The following AUH variants were observed in gnomAD, a reference collection of about 807,000 sequenced individuals.
AUH encodes the protein AU RNA binding methylglutaconyl-CoA hydratase, also known as methylglutaconyl-CoA hydratase, mitochondrial.
AUH carries 29 observed loss-of-function variants against 42.3 expected under a neutral mutation model. The ratio of observed to expected loss-of-function variants is 0.69; its 90% confidence interval spans 0.51 to 0.93. AUH has a LOEUF of 0.93. AUH is among the 40% of genes least tolerant of loss of function. The pLI, the probability that AUH is intolerant of heterozygous loss-of-function variation, is 0.00. For missense variants in AUH, 452 were observed against 438.1 expected (o/e 1.03, Z -0.28); for synonymous variants, 174 against 166.4 (o/e 1.05, Z -0.35).
At chr9:91,293,183 C>T (rs1480409970) in intron 6 of AUH, among the ~76,000 whole-genome samples, 1 of 152,134 alleles carries the variant, frequency 6.6e-6, no homozygotes, top group Non-Finnish European at 1.5e-5. Context: ...TGAAATTAGG[C>T]CAATGAATAA....
chr9:91,361,900 T>G lies in AUH; in HGVS notation c.-11A>C. 1 of 1,447,248 alleles carries G rather than the reference T, an allele frequency of 6.9e-7. No individual in the cohort carries two copies. The highest frequency in any genetic ancestry group is 9.0e-7 in the Non-Finnish European group (1 of 1,105,032). The allele number at this position is 1,447,248 out of a possible 1,614,324, so 89.7% of individuals were successfully genotyped here. ...CACCGCGGCCGCCATGTTGTCTGTTTACGGCGTGGACCTGCGACGGCCGCT... is the reference window on the plus strand; with the variant it reads ...CACCGCGGCCGCCATGTTGTCTGTTGACGGCGTGGACCTGCGACGGCCGCT... On this transcript the variant is annotated 5_prime_UTR_variant, in exon 1 of 10. Coordinates refer to ENST00000375731, the MANE Select transcript of AUH (RefSeq NM_001698.3).
intron 3 of AUH, among the ~76,000 whole-genome samples, chr9:91,347,497 C>T (rs1162635899): frequency 6.6e-6 from 1 of 152,124 alleles, no homozygotes; most frequent in East Asian, 1.9e-4. Flanking sequence ...GCTAAAAGTT[C>T]TAATCCTCTA....
intron 6 of AUH, among the ~76,000 whole-genome samples, chr9:91,223,424 A>T (rs1827247589): frequency 6.6e-6 from 1 of 151,980 alleles, no homozygotes. Context: ...AAGGCTGAAT[A>T]ACATTCCATT....
intron 3 of AUH, among the ~76,000 whole-genome samples, chr9:91,327,594 T>C (rs1228255999): frequency 1.3e-5 from 2 of 152,194 alleles, no homozygotes; most frequent in African/African-American, 4.8e-5. Flanking sequence ...ACTCACTCTC[T>C]GGTGTCCACG....
At chr9:91,281,278 T>A (rs894664958) in intron 6 of AUH, among the ~76,000 whole-genome samples, 8 of 152,200 alleles carry the variant, frequency 5.3e-5, no homozygotes. Context: ...TCACTCACTC[T>A]CTCTTTTGTT....
At chr9:91,309,081 G>A (rs150410954) in intron 4 of AUH, among the ~76,000 whole-genome samples, 5,993 of 150,786 alleles carry the variant, frequency 0.04, 372 homozygotes, top group African/African-American at 0.13. Flanking sequence ...CGTGAGCCAC[G>A]GCGCCTGGTC....
At chr9:91,358,700 T>C (rs547071253) in intron 1 of AUH, among the ~76,000 whole-genome samples, 2 of 152,362 alleles carry the variant, frequency 1.3e-5, no homozygotes, top group East Asian at 3.9e-4. Flanking sequence ...ACATTATTAC[T>C]GAAGGGTAAA....
intron 4 of AUH, among the ~76,000 whole-genome samples, chr9:91,300,911 A>G (rs1194720267): frequency 1.3e-5 from 2 of 152,206 alleles, no homozygotes; most frequent in African/African-American, 4.8e-5. Context: ...CACTCTGTGC[A>G]TAACCTTTTC....
chr9:91,265,840 G>A (rs552997311), intron 6 of AUH, among the ~76,000 whole-genome samples: 3 of 152,238 alleles, frequency 2.0e-5, no homozygotes, highest in Admixed American at 6.5e-5. Context: ...TTTTCAACCC[G>A]TCTCATCTGT....
chr9:91,309,928 C>T (rs2131746265), intron 4 of AUH, among the ~76,000 whole-genome samples: 1 of 148,508 alleles, frequency 6.7e-6, no homozygotes, highest in Middle Eastern at 3.5e-3. Flanking sequence ...GCCTCACAGT[C>T]CTCAGACTTT....
At chr9:91,282,470 G>C in intron 6 of AUH, among the ~76,000 whole-genome samples, 1 of 152,048 alleles carries the variant, frequency 6.6e-6, no homozygotes, top group East Asian at 1.9e-4. Context: ...TGTATCCCCA[G>C]TGTCCACATC....
intron 6 of AUH, among the ~76,000 whole-genome samples, chr9:91,287,004 C>T (rs1826467690): frequency 6.6e-6 from 1 of 152,004 alleles, no homozygotes. Context: ...TTAATTTAAT[C>T]ACTTCACAAT....
intron 6 of AUH, among the ~76,000 whole-genome samples, chr9:91,229,635 G>A (rs1243273975): frequency 6.6e-6 from 1 of 151,934 alleles, no homozygotes; most frequent in Non-Finnish European, 1.5e-5. Context: ...GGTTGATGCA[G>A]TTTCTTCCTA....
At chr9:91,268,274 T>C (rs1006998080) in intron 6 of AUH, among the ~76,000 whole-genome samples, 1 of 152,220 alleles carries the variant, frequency 6.6e-6, no homozygotes, top group South Asian at 2.1e-4. Context: ...TCTCATCCTA[T>C]GTAACATTTC....
At chr9:91,221,532 C>T (rs1412267266) in intron 6 of AUH, among the ~76,000 whole-genome samples, 1 of 152,142 alleles carries the variant, frequency 6.6e-6, no homozygotes, top group African/African-American at 2.4e-5. Flanking sequence ...GTGGTATTTT[C>T]TCAGTGCAAG....
At chr9:91,273,699 T>C (rs1825334564) in intron 6 of AUH, among the ~76,000 whole-genome samples, 1 of 152,168 alleles carries the variant, frequency 6.6e-6, no homozygotes, top group South Asian at 2.1e-4. Context: ...TATGTGTACA[T>C]TCATGAGGCA....
intron 6 of AUH, among the ~76,000 whole-genome samples, chr9:91,250,701 T>G (rs1366045271): frequency 6.6e-6 from 1 of 152,172 alleles, no homozygotes; most frequent in East Asian, 1.9e-4. Flanking sequence ...CTCTCTGGAG[T>G]ACAGCACCCA....
At chr9:91,283,057 T>A (rs1476540403) in intron 6 of AUH, among the ~76,000 whole-genome samples, 2 of 152,062 alleles carry the variant, frequency 1.3e-5, no homozygotes, top group African/African-American at 4.8e-5. Flanking sequence ...GGTGCAAAAA[T>A]CCTCAATAAA....
chr9:91,289,897 A>AC (rs1228445650), intron 6 of AUH, among the ~76,000 whole-genome samples: 1 of 152,206 alleles, frequency 6.6e-6, no homozygotes, highest in Non-Finnish European at 1.5e-5. Context: ...AACAGGCATC[A>AC]CCTAGGGTAC....
Sources: allele counts gnomAD v4.1 joint callset (sites outside exome capture counted in the v4.1 genomes callset), GRCh38; gene constraint gnomAD v4.1.1; transcripts MANE v1.5; gene names NCBI Gene and HGNC (gene_info 2026-07-23, HGNC 2026-07-21).